The following UBASH3B variants were observed in gnomAD, a reference collection of about 807,000 sequenced individuals.
The protein encoded by UBASH3B is ubiquitin associated and SH3 domain containing B.
Under a neutral mutation model 83.4 loss-of-function variants are expected in UBASH3B, and 37 were observed. That is an observed-to-expected ratio of 0.44 (90% CI 0.34 to 0.58). The LOEUF (loss-of-function observed/expected upper bound fraction) is 0.58. Ranked by LOEUF, UBASH3B falls within the 20% of genes least tolerant of loss-of-function variation. The probability of loss-of-function intolerance (pLI) is 0.01; values close to 1 mark genes in which losing one functional copy is unlikely to be tolerated. For synonymous variants in UBASH3B, 304 were observed against 318.3 expected (o/e 0.96, Z 0.48); for missense variants, 657 against 827.2 (o/e 0.79, Z 2.52).
At chr11:122,665,723 C>A (rs1196282023) in intron 1 of UBASH3B, among the ~76,000 whole-genome samples, 1 of 152,134 alleles carries the variant, frequency 6.6e-6, no homozygotes, top group Non-Finnish European at 1.5e-5. Flanking sequence ...TGGTGGGGAG[C>A]CGTTTACTAG....
At chr11:122,697,158 CA>C (rs1220054571) in intron 1 of UBASH3B, among the ~76,000 whole-genome samples, 2 of 152,288 alleles carry the variant, frequency 1.3e-5, no homozygotes, top group African/African-American at 4.8e-5. Context: ...AGATAGCTCT[CA>C]AAACATTTTT....
intron 1 of UBASH3B, among the ~76,000 whole-genome samples, chr11:122,660,641 G>T (rs990697687): frequency 6.6e-6 from 1 of 152,200 alleles, no homozygotes; most frequent in Non-Finnish European, 1.5e-5. Context: ...TTTCTGGGGA[G>T]ACAGGCTCTC....
At chr11:122,748,757 A>C (rs1861158621) in intron 1 of UBASH3B, among the ~76,000 whole-genome samples, 1 of 152,066 alleles carries the variant, frequency 6.6e-6, no homozygotes, top group African/African-American at 2.4e-5. Context: ...ACCCAACTCT[A>C]AGCGCCTACC....
intron 1 of UBASH3B, among the ~76,000 whole-genome samples, chr11:122,660,392 C>T (rs879603365): frequency 3.3e-5 from 5 of 152,180 alleles, no homozygotes; most frequent in Admixed American, 1.3e-4. Flanking sequence ...CCCACTAGCA[C>T]TTCCCTGTTT....
At chr11:122,668,706 T>C (rs1467613500) in intron 1 of UBASH3B, among the ~76,000 whole-genome samples, 1 of 152,208 alleles carries the variant, frequency 6.6e-6, no homozygotes, top group African/African-American at 2.4e-5. Context: ...GGTGGCTGCA[T>C]CGAAATGAGG....
chr11:122,746,329 G>C (rs1861117969), intron 1 of UBASH3B, among the ~76,000 whole-genome samples: 1 of 152,196 alleles, frequency 6.6e-6, no homozygotes, highest in East Asian at 1.9e-4. Flanking sequence ...AAGGGTAGAG[G>C]AGGGGAGGAT....
chr11:122,806,462 A>G lies in UBASH3B; in HGVS notation c.1648A>G (p.Ile550Val). 6.2e-7 allele frequency: 1 copy of G among 1,607,628 alleles called. No homozygotes were observed. Among genetic ancestry groups the G allele is most frequent in the South Asian group, 1.1e-5 (1 of 88,850 alleles). Reference protein sequence around the residue: ...LVVSESYDTYISRSFQVTKEI... With the variant: ...LVVSESYDTYVSRSFQVTKEI... ...TGTTTCAGAATCCTATGATACTTAT[A>G]TCAGTAGAAGTTTCCAAGTAACAAA... Residue 550 changes from isoleucine to valine, a missense_variant, in exon 12 of 14, where the codon ATC (isoleucine) becomes GTC (valine). Transcript: ENST00000284273. The surrounding 1 kb of genome is among the most constrained non-coding windows in gnomAD (Gnocchi z 4.0).
At chr11:122,706,310 G>GGGACTTTAGGCTTATTTGGAAGACTTA (rs1210226041) in intron 1 of UBASH3B, among the ~76,000 whole-genome samples, 4 of 151,884 alleles carry the variant, frequency 2.6e-5, no homozygotes, top group African/African-American at 9.7e-5. Context: ...TTCAGATCTA[G>GGGACTTTAGGCTTATTTGGAAGACTTA]GGCTTGGGAC....
intron 1 of UBASH3B, among the ~76,000 whole-genome samples, chr11:122,708,444 A>AC (rs1253659724): frequency 1.3e-5 from 2 of 152,062 alleles, no homozygotes; most frequent in African/African-American, 4.8e-5. Context: ...GGCATGTACC[A>AC]CCACACCCAG....
intron 1 of UBASH3B, among the ~76,000 whole-genome samples, chr11:122,729,135 G>C (rs1860795446): frequency 6.6e-6 from 1 of 152,186 alleles, no homozygotes; most frequent in Non-Finnish European, 1.5e-5. Flanking sequence ...CCTAAATCCT[G>C]GGAGGACTGG....
At chr11:122,786,828 T>A (rs116703872) in intron 5 of UBASH3B, among the ~76,000 whole-genome samples, 1,812 of 152,324 alleles carry the variant, frequency 0.012, 28 homozygotes, top group African/African-American at 0.041. Flanking sequence ...CAGTTGTAAT[T>A]TTAGATTTGC....
At chr11:122,771,899 G>A (rs1860652213) in intron 1 of UBASH3B, among the ~76,000 whole-genome samples, 1 of 152,114 alleles carries the variant, frequency 6.6e-6, no homozygotes, top group South Asian at 2.1e-4. Context: ...ATCAGTTGGG[G>A]CACTGCCACT....
In UBASH3B at chr11:122,691,175, A is replaced by C. The variant is rs150911295; in HGVS notation, c.161+34965A>C. Among the ~76,000 whole-genome samples, 64 of 152,354 alleles carry C rather than the reference A, an allele frequency of 4.2e-4. 1 individual carries two copies. The East Asian group carries it at 0.012, about 28-fold the overall frequency. ...TGAGAGGTTCATCACTGGAAAAACG[A>C]AACCACATGGCTGTGTGTTCTGCTC... On this transcript the variant is annotated intron_variant, in intron 1 of 13. Coordinates refer to ENST00000284273, the MANE Select transcript of UBASH3B (RefSeq NM_032873.5).
At chr11:122,748,277 T>A (rs1172571403) in intron 1 of UBASH3B, among the ~76,000 whole-genome samples, 2 of 152,246 alleles carry the variant, frequency 1.3e-5, no homozygotes, top group East Asian at 3.8e-4. Flanking sequence ...GCTGCCATCT[T>A]TCTTTCATTG....
intron 3 of UBASH3B, among the ~76,000 whole-genome samples, chr11:122,777,542 G>T (rs368778092): frequency 6.6e-6 from 1 of 152,092 alleles, no homozygotes; most frequent in African/African-American, 2.4e-5. Context: ...CCACTCTTAC[G>T]ACAAGCAAAG....
chr11:122,678,503 G>C (rs1423855763), intron 1 of UBASH3B, among the ~76,000 whole-genome samples: 1 of 152,220 alleles, frequency 6.6e-6, no homozygotes, highest in Non-Finnish European at 1.5e-5. Context: ...GATGGTGAAG[G>C]CTAAATCTCT....
intron 1 of UBASH3B, among the ~76,000 whole-genome samples, chr11:122,661,748 C>T (rs570660266): frequency 4.0e-5 from 6 of 151,622 alleles, no homozygotes; most frequent in Non-Finnish European, 7.4e-5. Context: ...TAGAGGAGTT[C>T]AGGACGTGTC....
chr11:122,656,738 G>C (rs1204968190), intron 1 of UBASH3B, among the ~76,000 whole-genome samples: 1 of 152,238 alleles, frequency 6.6e-6, no homozygotes, highest in Non-Finnish European at 1.5e-5. Flanking sequence ...TCTCCCCCTG[G>C]AGTAGGAGGA....
At chr11:122,809,671 A>C in intron 13 of UBASH3B, 78 bp from the exon 14 acceptor site, 2 of 1,492,634 alleles carry the variant, frequency 1.3e-6, no homozygotes, top group Non-Finnish European at 1.8e-6. Context: ...GGCCACATGA[A>C]TATCTTTGTA....
Sources: gnomAD v4.1 joint callset for allele counts (sites outside exome capture counted in the v4.1 genomes callset) on GRCh38, gnomAD v4.1.1 for gene constraint, Gnocchi (gnomAD v3.1) non-coding constraint, MANE v1.5 for transcripts, NCBI Gene and HGNC (gene_info 2026-07-23, HGNC 2026-07-21) for gene names.